Variants in P2RY8 observed in about 807,000 individuals in gnomAD.
P2RY8 encodes the protein S-geranylgeranyl-glutathione receptor P2RY8.
A neutral mutation model predicts 10.0 loss-of-function variants in P2RY8; 6 were observed. The ratio of observed to expected loss-of-function variants is 0.60; its 90% CI spans 0.33 to 1.19. The LOEUF is 1.19. Ranked by LOEUF, P2RY8 falls within the 50% of genes most tolerant of loss-of-function variation. The pLI, the probability that P2RY8 is intolerant of heterozygous loss-of-function variation, is 0.04. For missense variants in P2RY8, 456 were observed against 542.0 expected (o/e 0.84, Z 1.58); for synonymous variants, 276 against 252.5 (o/e 1.09, Z -0.88).
chrX:1,469,658 G>A (rs1237387142), intron 1 of P2RY8, among the ~76,000 whole-genome samples: 3 of 151,986 alleles, frequency 2.0e-5, no homozygotes, highest in South Asian at 2.1e-4. Context: ...TTGGAAGGCC[G>A]AGGTGGGCAG....
intron 1 of P2RY8, among the ~76,000 whole-genome samples, chrX:1,475,627 A>G (rs2091865672): frequency 6.6e-6 from 1 of 152,112 alleles, no homozygotes; most frequent in African/African-American, 2.4e-5. Flanking sequence ...CATACCAAAT[A>G]AAAGAGAGGA....
At chrX:1,521,292 C>T (rs192926727) in intron 1 of P2RY8, among the ~76,000 whole-genome samples, 7 of 152,190 alleles carry the variant, frequency 4.6e-5, no homozygotes, top group African/African-American at 1.4e-4. Context: ...GTCATCCGCC[C>T]GCCTTGGCCT....
intron 1 of P2RY8, among the ~76,000 whole-genome samples, chrX:1,507,904 C>A (rs1239951345): frequency 6.6e-6 from 1 of 152,158 alleles, no homozygotes; most frequent in East Asian, 1.9e-4. Flanking sequence ...AAGCCAGCCC[C>A]GTCTGGCACT....
chrX:1,469,868 C>T (rs2091761726), intron 1 of P2RY8, among the ~76,000 whole-genome samples: 1 of 151,986 alleles, frequency 6.6e-6, no homozygotes, highest in African/African-American at 2.4e-5. Context: ...CACTGTACTC[C>T]ATCCAGCCTG....
At chrX:1,510,759 A>G (rs1322397956) in intron 1 of P2RY8, among the ~76,000 whole-genome samples, 2 of 152,076 alleles carry the variant, frequency 1.3e-5, no homozygotes, top group South Asian at 2.1e-4. Context: ...TGCACCTGTA[A>G]TCCAAGCTAC....
chrX:1,530,457 CATGT>C (rs1158453136), intron 1 of P2RY8, among the ~76,000 whole-genome samples: 4 of 148,418 alleles, frequency 2.7e-5, no homozygotes, highest in South Asian at 2.3e-4. Context: ...TCTATTTATC[CATGT>C]ATGTATGTAT....
rs193084381 is a variant in P2RY8, at chrX:1,470,753, A to T, written c.-24-4171T>A. 4.2e-3 allele frequency among the ~76,000 whole-genome samples: 632 copies of T among 151,884 alleles called. 3 individuals carry two copies. The highest frequency in any genetic ancestry group is 0.014 in the African/African-American group (589 of 41,430). ...CCTGGGTCAGAGCTTGAGTCCTTTC[A>T]GTGGGTGCATAATAGTCTACTGTGT... On this transcript the variant is annotated intron_variant, in intron 1 of 1. Transcript: ENST00000381297.
chrX:1,506,184 G>A (rs1204891302), intron 1 of P2RY8, among the ~76,000 whole-genome samples: 1 of 151,650 alleles, frequency 6.6e-6, no homozygotes, highest in African/African-American at 2.4e-5. Context: ...GTAGAGACGG[G>A]GTTTTGCCAT....
At chrX:1,493,440 G>GAGGATGA (rs1556679301) in intron 1 of P2RY8, among the ~76,000 whole-genome samples, 1 of 13,860 alleles carries the variant, frequency 7.2e-5, no homozygotes, top group Non-Finnish European at 1.5e-4. Flanking sequence ...GGGAGGGAAG[G>GAGGATGA]AGGAGGAAGG....
rs1375482499 is a variant in P2RY8 at position 1,532,389 on chromosome X, T to C, written c.-25+4532A>G. ...CATATACGTATATGATGTGTGTATATGCACATATATGTATATATGTATATG... is the reference window on the plus strand; with the variant it reads ...CATATACGTATATGATGTGTGTATACGCACATATATGTATATATGTATATG... On this transcript the variant is annotated intron_variant, in intron 1 of 1. Transcript: ENST00000381297. Among the ~76,000 whole-genome samples the C allele has an allele frequency of 1.3e-3, 190 of 141,372 alleles. 8 individuals carry two copies. Among genetic ancestry groups the C allele is most frequent in the Middle Eastern group, 3.9e-3 (1 of 256 alleles). The allele number at this position is 141,372 out of a possible 152,430, so 92.7% of individuals were successfully genotyped here.
At chrX:1,490,724 T>G (rs1354289597) in intron 1 of P2RY8, among the ~76,000 whole-genome samples, 2 of 149,036 alleles carry the variant, frequency 1.3e-5, no homozygotes, top group Admixed American at 6.7e-5. Context: ...TACCCAGATA[T>G]TCCCCACAAA....
intron 1 of P2RY8, chrX:1,494,419 A>G (rs2092097352): frequency 6.6e-6 from 1 of 152,182 alleles, no homozygotes; most frequent in African/African-American, 2.4e-5. Context: ...GGCCAGAGCA[A>G]CAATAGATGG....
At chrX:1,507,317 A>G (rs73186906) in intron 1 of P2RY8, among the ~76,000 whole-genome samples, 23,015 of 152,006 alleles carry the variant, frequency 0.15, 2,238 homozygotes, top group Non-Finnish European at 0.22. Context: ...GGACGAGATG[A>G]GACCTGACAT....
chrX:1,534,285 T>C (rs750417089), intron 1 of P2RY8, among the ~76,000 whole-genome samples: 6 of 146,786 alleles, frequency 4.1e-5, no homozygotes, highest in East Asian at 3.9e-4. Context: ...CATATATATA[T>C]ACACACACAC....
intron 1 of P2RY8, among the ~76,000 whole-genome samples, chrX:1,468,576 A>C (rs1425865077): frequency 6.6e-6 from 1 of 152,138 alleles, no homozygotes; most frequent in Non-Finnish European, 1.5e-5. Flanking sequence ...CTCAGCGGGC[A>C]GGATGGAAAT....
Position 1,526,039 on chromosome X carries a change from C to T in P2RY8, c.-25+10882G>A, listed in dbSNP as rs190230115. Among the ~76,000 whole-genome samples the T allele has an allele frequency of 1.3e-3, 205 of 151,940 alleles. 1 individual carries two copies. Among genetic ancestry groups the T allele is most frequent in the South Asian group, 4.6e-3 (22 of 4,812 alleles). On this transcript the variant is annotated intron_variant, in intron 1 of 1. Coordinates refer to ENST00000381297, the MANE Select transcript of P2RY8 (RefSeq NM_178129.5). ...TTTATTCATTCATTCCTTATCCAGC[C>T]GCTCATCCATCCATCTATTCATCCA... is the stretch of plus-strand genomic sequence containing the variant.
At chrX:1,493,414 GA>G (rs1290389886) in intron 1 of P2RY8, among the ~76,000 whole-genome samples, 27 of 19,380 alleles carry the variant, frequency 1.4e-3, no homozygotes, top group African/African-American at 2.5e-3. Context: ...GAAGGAGGAG[GA>G]AGGAGGAAGG....
At chrX:1,478,485 A>T (rs1291215618) in intron 1 of P2RY8, among the ~76,000 whole-genome samples, 4 of 151,194 alleles carry the variant, frequency 2.6e-5, no homozygotes, top group African/African-American at 9.7e-5. Context: ...TTATTTATTT[A>T]TTTATTTTTT....
chrX:1,532,408 G>GTGTGTATATACACATATATGTA (rs1475083560), intron 1 of P2RY8, among the ~76,000 whole-genome samples: 1 of 136,426 alleles, frequency 7.3e-6, no homozygotes, highest in Non-Finnish European at 1.7e-5. Context: ...ATGTATATAT[G>GTGTGTATATACACATATATGTA]TATATGATGT....
Sources: gnomAD v4.1 joint callset for allele counts (sites outside exome capture counted in the v4.1 genomes callset) on GRCh38, gnomAD v4.1.1 for gene constraint, MANE v1.5 for transcripts, NCBI Gene and HGNC (gene_info 2026-07-23, HGNC 2026-07-21) for gene names.